The following CHTF8 variants were observed in gnomAD, a reference collection of about 807,000 sequenced individuals.
CHTF8 encodes chromosome transmission fidelity protein 8 homolog.
CHTF8 carries 6 observed loss-of-function variants against 11.0 expected under a neutral mutation model. That is an observed-to-expected ratio of 0.55 (90% CI 0.30 to 1.08). The LOEUF (loss-of-function observed/expected upper bound fraction) is 1.08. CHTF8 is among the 50% of genes least tolerant of loss of function. The pLI is 0.07. For missense variants in CHTF8, 140 were observed against 153.1 expected (o/e 0.91, Z 0.45); for synonymous variants, 53 against 60.5 (o/e 0.88, Z 0.57).
chr16:69,121,052 C>A lies in CHTF8; in HGVS notation c.141+1G>T. ...AGGCAGGGAAAGAAAAGCCCCCTCA[C>A]CTCAGTGGTGTAATGTAGGTCTCCC... On this transcript the variant is annotated splice_donor_variant, in intron 3 of 3. Transcript: ENST00000448552. LOFTEE classifies it high-confidence loss of function. 2 of 1,613,038 alleles carry A rather than the reference C, an allele frequency of 1.2e-6. No homozygotes were observed. Among genetic ancestry groups the A allele is most frequent in the Non-Finnish European group, 1.7e-6 (2 of 1,178,990 alleles).
Position 69,118,150 on chromosome 16 carries a change from C to CAAAAAA in CHTF8, c.*2274_*2275insTTTTTT. On this transcript the variant is annotated 3_prime_UTR_variant, in exon 4 of 4. Transcript: ENST00000448552. ...CCACCCCCACCCTAATTCCCATATT[C>CAAAAAA]CCATCCACATCAGTTTAAATTTTGA... The CAAAAAA allele has an allele frequency of 7.6e-6, 2 of 264,094 alleles. No homozygotes were observed. Among genetic ancestry groups the CAAAAAA allele is most frequent in the Non-Finnish European group, 1.5e-5 (2 of 135,594 alleles). The allele number at this position is 264,094 out of a possible 1,614,324, so 16.4% of individuals were successfully genotyped here. A position where few individuals can be genotyped will look rare whatever the true frequency, so the allele number is the denominator to read the frequency against.
intron 1 of CHTF8, among the ~76,000 whole-genome samples, chr16:69,127,780 T>C (rs1962183517): frequency 6.6e-6 from 1 of 151,554 alleles, no homozygotes; most frequent in South Asian, 2.1e-4. Flanking sequence ...CGGCAACTTT[T>C]TGTATTTTTA....
chr16:69,127,158 A>C (rs1475418938), intron 1 of CHTF8, among the ~76,000 whole-genome samples: 1 of 151,840 alleles, frequency 6.6e-6, no homozygotes, highest in Non-Finnish European at 1.5e-5. Context: ...GAATTGCTTG[A>C]ACCTGGGAGG....
At chr16:69,132,145 C>G (rs1172540023) in intron 1 of CHTF8, 1 of 155,376 alleles carries the variant, frequency 6.4e-6, no homozygotes, top group African/African-American at 2.4e-5. Context: ...GCTCGGCCAC[C>G]CTTTCCGCCC....
chr16:69,118,422 C>G lies in CHTF8; in HGVS notation c.*2003G>C. 1 of 1,612,846 alleles carries G rather than the reference C, an allele frequency of 6.2e-7. No homozygotes were observed. The highest frequency in any genetic ancestry group is 8.5e-7 in the Non-Finnish European group (1 of 1,178,820). On this transcript the variant is annotated 3_prime_UTR_variant, in exon 4 of 4. Transcript: ENST00000448552. ...GCTGCCCAGGTCAGAGCTACGGAAG[C>G]ATGGTCCGTTCACCAACGCCACGTT...
intron 1 of CHTF8, among the ~76,000 whole-genome samples, chr16:69,126,075 T>A (rs1342707143): frequency 6.6e-6 from 1 of 152,184 alleles, no homozygotes; most frequent in Non-Finnish European, 1.5e-5. Context: ...GAGAAGGGGC[T>A]CTTGCAAATA....
chr16:69,119,021 T>C lies in CHTF8; in HGVS notation c.*1404A>G, dbSNP rs1318537499. The C allele has an allele frequency of 2.0e-5, 14 of 702,914 alleles. No homozygotes were observed. The highest frequency in any genetic ancestry group is 3.6e-5 in the Non-Finnish European group (14 of 385,020). The allele number at this position is 702,914 out of a possible 1,614,324, so 43.5% of individuals were successfully genotyped here. A position where few individuals can be genotyped will look rare whatever the true frequency, so the allele number is the denominator to read the frequency against. ...AAGGAAGCTGGGTTGAGACCCAGGG[T>C]CCCAGTTGGCCTTGTGAAAGGAGCT... On this transcript the variant is annotated 3_prime_UTR_variant, in exon 4 of 4. Transcript: ENST00000448552.
intron 1 of CHTF8, among the ~76,000 whole-genome samples, chr16:69,128,960 A>G (rs2152272224): frequency 6.6e-6 from 1 of 152,266 alleles, no homozygotes. Context: ...GCTACTCAGG[A>G]GGCTGAGGCA....
At chr16:69,123,755 C>A (rs914464484) in intron 1 of CHTF8, among the ~76,000 whole-genome samples, 1 of 151,906 alleles carries the variant, frequency 6.6e-6, no homozygotes, top group Non-Finnish European at 1.5e-5. Flanking sequence ...AAGCTTTCAC[C>A]ACCTTTCACT....
In CHTF8 at chr16:69,120,621, T is replaced by C; in HGVS notation, c.170A>G (p.His57Arg). Reference protein sequence around the residue: ...EGIPVLIVGHHILYGKIIHLE... With the variant: ...EGIPVLIVGHRILYGKIIHLE... ...GTGGATGATTTTCCCATACAGGATATGATGCCCCACGATCAGCACAGGGAT... is the reference window on the plus strand; with the variant it reads ...GTGGATGATTTTCCCATACAGGATACGATGCCCCACGATCAGCACAGGGAT... The change falls in exon 4 of 4, where the codon CAT becomes CGT. Residue 57 changes from histidine (H) to arginine (R), a missense_variant. By Grantham distance (29) the His-to-Arg change is conservative. Transcript: ENST00000448552. This position sits in a 1 kb window ranked among gnomAD's most constrained non-coding sequence, Gnocchi z 4.0. The C allele has an allele frequency of 1.9e-6, 3 of 1,613,034 alleles. No homozygotes were observed. Among genetic ancestry groups the C allele is most frequent in the Non-Finnish European group, 2.5e-6 (3 of 1,179,112 alleles).
At chr16:69,126,731 C>G (rs1962086461) in intron 1 of CHTF8, among the ~76,000 whole-genome samples, 1 of 152,192 alleles carries the variant, frequency 6.6e-6, no homozygotes, top group Admixed American at 6.5e-5. Context: ...TAGTCAGGAA[C>G]GTAGAGGAGG....
rs965486800 is a variant in CHTF8, at chr16:69,120,938, T to G, written c.141+115A>C. The stretch of plus-strand genomic sequence containing the variant: ...AGAACAAGCAGAGAGCATCGCAGAT[T>G]AGCTAGGCCTTGAATAACAAACCTG... On this transcript the variant is annotated intron_variant, in intron 3 of 3. Transcript: ENST00000448552. This position sits in a 1 kb window ranked among gnomAD's most constrained non-coding sequence, Gnocchi z 4.0. 2 of 886,366 alleles carry G rather than the reference T, an allele frequency of 2.3e-6. No individual in the cohort carries two copies. The highest frequency in any genetic ancestry group is 3.9e-6 in the Non-Finnish European group (2 of 515,730). The allele number at this position is 886,366 out of a possible 1,614,324, so 54.9% of individuals were successfully genotyped here.
At position 69,119,996 on chromosome 16, in the gene CHTF8, G is replaced by C; in HGVS notation, c.*429C>G. The C allele has an allele frequency of 1.4e-6, 1 of 695,422 alleles. No individual in the cohort carries two copies. Among genetic ancestry groups the C allele is most frequent in the Non-Finnish European group, 2.6e-6 (1 of 379,886 alleles). The allele number at this position is 695,422 out of a possible 1,614,324, so 43.1% of individuals were successfully genotyped here. ...GGTCCTGGGAGACCCCCTAACCTGG[G>C]GTTAGACAGAGGCCCTGGGCCTGGC... On this transcript the variant is annotated 3_prime_UTR_variant, in exon 4 of 4. Coordinates refer to ENST00000448552, the MANE Select transcript of CHTF8 (RefSeq NM_001039690.5).
At chr16:69,130,712 G>C (rs112929022) in intron 1 of CHTF8, among the ~76,000 whole-genome samples, 4 of 152,200 alleles carry the variant, frequency 2.6e-5, no homozygotes, top group Admixed American at 2.0e-4. Context: ...TCAAGCTATC[G>C]ATTTCCCAGA....
At chr16:69,123,022 G>C (rs991652910) in intron 1 of CHTF8, among the ~76,000 whole-genome samples, 2 of 152,142 alleles carry the variant, frequency 1.3e-5, no homozygotes, top group Admixed American at 1.3e-4. Context: ...GCCTCTCAAA[G>C]TGCTGGGATT....
Position 69,120,832 on chromosome 16 carries a change from TAGG to T in CHTF8, c.142-186_142-184del. ...GCCCTTTTTACTTTCTAGCCCCACA[TAGG>T]AGAATTTCCACTTTCAGAAATGTGA... On this transcript the variant is annotated intron_variant, in intron 3 of 3. Coordinates refer to ENST00000448552, the MANE Select transcript of CHTF8 (RefSeq NM_001039690.5). The surrounding 1 kb of genome is among the most constrained non-coding windows in gnomAD (Gnocchi z 4.0). 2.7e-6 allele frequency: 2 copies of T among 735,758 alleles called. No homozygotes were observed. The highest frequency in any genetic ancestry group is 4.8e-6 in the Non-Finnish European group (2 of 416,040). The allele number at this position is 735,758 out of a possible 1,614,324, so 45.6% of individuals were successfully genotyped here. A position where few individuals can be genotyped will look rare whatever the true frequency, so the allele number is the denominator to read the frequency against.
At position 69,119,264 on chromosome 16, in the gene CHTF8, C is replaced by A. The variant is rs768807913; in HGVS notation, c.*1161G>T. On this transcript the variant is annotated 3_prime_UTR_variant, in exon 4 of 4. Coordinates refer to ENST00000448552, the MANE Select transcript of CHTF8 (RefSeq NM_001039690.5). Reference sequence around the variant, plus strand: ...GTTGGATTTGAGCCCTGGAGGCCAGCGGACCTTTGGAAGGTAGCTGGGTTT... The same window carrying A: ...GTTGGATTTGAGCCCTGGAGGCCAGAGGACCTTTGGAAGGTAGCTGGGTTT... 1 of 703,018 alleles carries A rather than the reference C, an allele frequency of 1.4e-6. No homozygotes were observed. Among genetic ancestry groups the A allele is most frequent in the South Asian group, 1.5e-5 (1 of 67,584 alleles). The allele number at this position is 703,018 out of a possible 1,614,324, so 43.5% of individuals were successfully genotyped here. A position where few individuals can be genotyped will look rare whatever the true frequency, so the allele number is the denominator to read the frequency against.
At position 69,120,405 on chromosome 16, in the gene CHTF8, A is replaced by G; in HGVS notation, c.*20T>C. The G allele has an allele frequency of 6.2e-7, 1 of 1,613,064 alleles. No homozygotes were observed. Among genetic ancestry groups the G allele is most frequent in the Admixed American group, 1.7e-5 (1 of 60,014 alleles). ...GAGTCCAAGGAGTTGGCCGCTCTCT[A>G]GGGAAAATCCGAGGTTCTTTCATAC... On this transcript the variant is annotated 3_prime_UTR_variant, in exon 4 of 4. Transcript: ENST00000448552. This position sits in a 1 kb window ranked among gnomAD's most constrained non-coding sequence, Gnocchi z 4.0.
In CHTF8 at chr16:69,119,551, G is replaced by A. The variant is rs1317471084; in HGVS notation, c.*874C>T. ...TGTGCCCATGTTTCCAGAAGCCTGT[G>A]AGAAAGAAGCTGAATTTGCTCCTAA... On this transcript the variant is annotated 3_prime_UTR_variant, in exon 4 of 4. Transcript: ENST00000448552. 2 of 702,826 alleles carry A rather than the reference G, an allele frequency of 2.8e-6. No homozygotes were observed. The highest frequency in any genetic ancestry group is 3.5e-5 in the African/African-American group (2 of 57,268). The allele number at this position is 702,826 out of a possible 1,614,324, so 43.5% of individuals were successfully genotyped here.
Sources: gnomAD v4.1 joint callset for allele counts (sites outside exome capture counted in the v4.1 genomes callset) on GRCh38, gnomAD v4.1.1 for gene constraint, Gnocchi (gnomAD v3.1) non-coding constraint, MANE v1.5 for transcripts, NCBI Gene and HGNC (gene_info 2026-07-23, HGNC 2026-07-21) for gene names.